Variants in TTC28 observed in about 807,000 individuals in gnomAD.
The protein encoded by TTC28 is tetratricopeptide repeat domain 28, also known as tetratricopeptide repeat protein 28.
Under a neutral mutation model 198.0 loss-of-function variants are expected in TTC28, and 61 were observed. The ratio of observed to expected loss-of-function variants is 0.31; its 90% confidence interval spans 0.25 to 0.38. The LOEUF (loss-of-function observed/expected upper bound fraction) is 0.38, where lower values mean the gene tolerates loss of function less well. TTC28 is among the 10% of genes least tolerant of loss of function. TTC28 has a pLI of 1.00. For synonymous variants in TTC28, 1,171 were observed against 1,297.8 expected (o/e 0.90, Z 2.10); for missense variants, 2,678 against 3,164.0 (o/e 0.85, Z 3.69).
chr22:28,003,255 C>T (rs1021397706), intron 14 of TTC28, among the ~76,000 whole-genome samples: 8 of 152,104 alleles, frequency 5.3e-5, no homozygotes, highest in Non-Finnish European at 7.4e-5. Context: ...GCCACCACAC[C>T]GTGGAGGTGT....
intron 2 of TTC28, among the ~76,000 whole-genome samples, chr22:28,616,327 T>C (rs982847227): frequency 3.9e-5 from 6 of 152,196 alleles, no homozygotes; most frequent in Admixed American, 3.9e-4. Flanking sequence ...AAGATTATTG[T>C]GAGTATAAAA....
chr22:28,194,431 T>A (rs1321819023), intron 5 of TTC28, among the ~76,000 whole-genome samples: 1 of 151,716 alleles, frequency 6.6e-6, no homozygotes, highest in Non-Finnish European at 1.5e-5. Flanking sequence ...ATAACTAAGA[T>A]CAGAGCAGAA....
At chr22:28,278,198 T>C (rs2044509008) in intron 5 of TTC28, among the ~76,000 whole-genome samples, 1 of 152,144 alleles carries the variant, frequency 6.6e-6, no homozygotes, top group Admixed American at 6.5e-5. Flanking sequence ...ACTACTGAAT[T>C]ATATCAAACT....
At chr22:28,407,652 G>A (rs987406946) in intron 2 of TTC28, among the ~76,000 whole-genome samples, 2 of 152,154 alleles carry the variant, frequency 1.3e-5, no homozygotes, top group Non-Finnish European at 2.9e-5. Context: ...TTATAAGAAA[G>A]AAAAACATTA....
chr22:28,433,473 C>G (rs1051501426), intron 2 of TTC28, among the ~76,000 whole-genome samples: 1 of 152,178 alleles, frequency 6.6e-6, no homozygotes, highest in East Asian at 1.9e-4. Flanking sequence ...TCTGCAAAAT[C>G]AAATGCTCCT....
intron 5 of TTC28, among the ~76,000 whole-genome samples, chr22:28,211,134 A>G (rs938922986): frequency 3.3e-5 from 5 of 152,186 alleles, no homozygotes; most frequent in African/African-American, 7.2e-5. Context: ...TGAAGGAAGC[A>G]CTAAACATGG....
At chr22:28,164,435 C>T (rs1297074860) in intron 5 of TTC28, among the ~76,000 whole-genome samples, 1 of 152,156 alleles carries the variant, frequency 6.6e-6, no homozygotes, top group Non-Finnish European at 1.5e-5. Context: ...GGGTACTCCT[C>T]TGAGACAAAA....
At chr22:28,135,619 T>C (rs1275904409) in intron 6 of TTC28, among the ~76,000 whole-genome samples, 1 of 152,032 alleles carries the variant, frequency 6.6e-6, no homozygotes, top group African/African-American at 2.4e-5. Context: ...TTTAAAAGAA[T>C]AGTGGTGGGG....
intron 2 of TTC28, among the ~76,000 whole-genome samples, chr22:28,514,888 C>A (rs1375944216): frequency 6.6e-6 from 1 of 152,142 alleles, no homozygotes; most frequent in Non-Finnish European, 1.5e-5. Context: ...AATGTTTCAT[C>A]CCATATATAC....
chr22:28,013,758 G>T (rs1380986536), intron 14 of TTC28, among the ~76,000 whole-genome samples: 1 of 152,032 alleles, frequency 6.6e-6, no homozygotes, highest in Non-Finnish European at 1.5e-5. Flanking sequence ...CATCCCCGAG[G>T]CGTCTGCTAG....
intron 2 of TTC28, among the ~76,000 whole-genome samples, chr22:28,326,975 AACACACACACAC>A (rs57349023): frequency 1.4e-3 from 196 of 142,922 alleles, no homozygotes; most frequent in South Asian, 3.2e-3. Context: ...CACAAACACA[AACACACACACAC>A]ACACACACAC....
At chr22:28,070,989 C>T (rs1940943274) in intron 12 of TTC28, among the ~76,000 whole-genome samples, 1 of 152,136 alleles carries the variant, frequency 6.6e-6, no homozygotes, top group Non-Finnish European at 1.5e-5. Flanking sequence ...GAGGGAGCAG[C>T]AAAAGAACTA....
chr22:28,534,806 G>T (rs180780082), intron 2 of TTC28, among the ~76,000 whole-genome samples: 1 of 151,952 alleles, frequency 6.6e-6, no homozygotes, highest in African/African-American at 2.4e-5. Context: ...GCAAACTATC[G>T]CAAGGAAAGA....
At chr22:28,390,970 C>G (rs956200027) in intron 2 of TTC28, among the ~76,000 whole-genome samples, 3 of 152,132 alleles carry the variant, frequency 2.0e-5, no homozygotes, top group African/African-American at 7.2e-5. Context: ...GATTTTGCAG[C>G]GGCTGGTATC....
At chr22:28,511,445 G>A (rs1030968055) in intron 2 of TTC28, among the ~76,000 whole-genome samples, 1 of 152,162 alleles carries the variant, frequency 6.6e-6, no homozygotes, top group Admixed American at 6.6e-5. Flanking sequence ...TGGGAGAAAT[G>A]GCTAGCCATA....
rs750842577 is a variant in TTC28, at chr22:28,256,753, C to T, written c.933+39445G>A. Among the ~76,000 whole-genome samples, 43 of 152,290 alleles carry T rather than the reference C, an allele frequency of 2.8e-4. No individual in the cohort carries two copies. In the Middle Eastern group the frequency reaches 0.01, roughly 36 times the overall value. ...ACAACAAAAAGCAAAAAAACAGACA[C>T]ATAAGACTGGGCATAATGGCCCATG... On this transcript the variant is annotated intron_variant, in intron 5 of 22. Transcript: ENST00000397906.
intron 6 of TTC28, among the ~76,000 whole-genome samples, chr22:28,110,257 C>T (rs537969080): frequency 6.6e-6 from 1 of 152,318 alleles, no homozygotes; most frequent in East Asian, 1.9e-4. Context: ...ACATCTACTC[C>T]TGGGACCCAG....
At position 28,296,193 on chromosome 22, in the gene TTC28, C is replaced by T; in HGVS notation, c.933+5G>A. ...ATGTTTTTGGTCTGCAGATAAACTTCCTACCTCTCGATCTTTGAGTTTCAT... is the reference window on the plus strand; with the variant it reads ...ATGTTTTTGGTCTGCAGATAAACTTTCTACCTCTCGATCTTTGAGTTTCAT... On this transcript the variant is annotated splice_donor_5th_base_variant and intron_variant, in intron 5 of 22. Transcript: ENST00000397906. 2.6e-6 allele frequency: 4 copies of T among 1,544,076 alleles called. No individual in the cohort carries two copies. The South Asian group carries it at 4.8e-5, about 19-fold the overall frequency.
chr22:28,571,779 T>C (rs1017790554), intron 2 of TTC28, among the ~76,000 whole-genome samples: 5 of 151,570 alleles, frequency 3.3e-5, no homozygotes, highest in Non-Finnish European at 7.4e-5. Context: ...TGAAACCCCA[T>C]CTCCACTGAA....
Sources: allele counts gnomAD v4.1 joint callset (sites outside exome capture counted in the v4.1 genomes callset), GRCh38; gene constraint gnomAD v4.1.1; transcripts MANE v1.5; gene names NCBI Gene and HGNC (gene_info 2026-07-23, HGNC 2026-07-21).